Variants in BPGM observed in about 807,000 individuals in gnomAD.
The protein encoded by BPGM is 2,3-bisphosphoglycerate mutase, erythrocyte.
A neutral mutation model predicts 21.6 loss-of-function variants in BPGM; 15 were observed. The observed-to-expected ratio is 0.70, with a 90% CI of 0.47 to 1.07. The LOEUF (loss-of-function observed/expected upper bound fraction) is 1.07. BPGM is among the 50% of genes least tolerant of loss of function. BPGM has a pLI of 0.00. For synonymous variants in BPGM, 113 were observed against 116.2 expected, an observed-to-expected ratio of 0.97 and a Z score of 0.18; for missense variants, 273 against 319.0, an observed-to-expected ratio of 0.86 and a Z score of 1.10.
rs559749184 is a variant in BPGM at position 134,646,881 on chromosome 7, G to T, written c.-118G>T. The T allele has an allele frequency of 2.1e-5, 4 of 187,670 alleles. No homozygotes were observed. The South Asian group carries it at 2.2e-4, about 10-fold the overall frequency. The allele number at this position is 187,670 out of a possible 1,614,324, so 11.6% of individuals were successfully genotyped here. A position where few individuals can be genotyped will look rare whatever the true frequency, so the allele number is the denominator to read the frequency against. ...GAGTCCTAGGAGGCGCTGGCTCTTT[G>T]GCGGCTCGGAGGAGCGGCTGCTGCT... On this transcript the variant is annotated 5_prime_UTR_variant, in exon 1 of 3. Transcript: ENST00000344924.
At chr7:134,650,983 TG>T (rs1006258072) in intron 1 of BPGM, among the ~76,000 whole-genome samples, 13 of 152,228 alleles carry the variant, frequency 8.5e-5, no homozygotes, top group African/African-American at 2.9e-4. Flanking sequence ...CCTTGAGACC[TG>T]TTCCTTTTTA....
At position 134,661,573 on chromosome 7, in the gene BPGM, T is replaced by C. The variant is rs757823060; in HGVS notation, c.66T>C (p.Phe22=). ...GEGAWNKENR[F]CSWVDQKLNS... ...GTGCTTGGAATAAGGAGAACCGTTT[T>C]TGTAGCTGGGTGGATCAGAAACTCA... The change falls in exon 2 of 3, where the codon TTT becomes TTC. Residue 22 remains phenylalanine, a synonymous_variant. Transcript: ENST00000344924. The surrounding 1 kb of genome is among the most constrained non-coding windows in gnomAD (Gnocchi z 4.6). The C allele has an allele frequency of 1.5e-5, 24 of 1,614,200 alleles. No homozygotes were observed. In the South Asian group the frequency reaches 2.4e-4, roughly 16 times the overall value.
At chr7:134,658,865 C>G (rs1197954838) in intron 1 of BPGM, among the ~76,000 whole-genome samples, 1 of 114,058 alleles carries the variant, frequency 8.8e-6, no homozygotes, top group African/African-American at 3.6e-5. Flanking sequence ...CAGTACTGTT[C>G]CTCTGTTCTG....
chr7:134,650,934 A>T (rs1179696192), intron 1 of BPGM, among the ~76,000 whole-genome samples: 1 of 152,244 alleles, frequency 6.6e-6, no homozygotes, highest in Non-Finnish European at 1.5e-5. Flanking sequence ...CAAAAGAAAC[A>T]TTAAAAGCCT....
chr7:134,663,034 G>C (rs1289709480), intron 2 of BPGM, among the ~76,000 whole-genome samples: 1 of 152,152 alleles, frequency 6.6e-6, no homozygotes, highest in African/African-American at 2.4e-5. Context: ...GATATGCCCT[G>C]TCTGGTGTTT....
At chr7:134,672,787 C>T (rs1049480321) in intron 2 of BPGM, among the ~76,000 whole-genome samples, 4 of 152,034 alleles carry the variant, frequency 2.6e-5, no homozygotes, top group Non-Finnish European at 4.4e-5. Context: ...AGGAGCTCTG[C>T]CTGCTTAACT....
At chr7:134,665,649 G>GAAAAAAAAAAAAAAAAAAAAA (rs1164169964) in intron 2 of BPGM, among the ~76,000 whole-genome samples, 2 of 78,192 alleles carry the variant, frequency 2.6e-5, no homozygotes, top group Non-Finnish European at 6.2e-5. Context: ...AAAAATTAAT[G>GAAAAAAAAAAAAAAAAAAAAA]AAAAAAAAAA....
Position 134,667,561 on chromosome 7 carries a change from TGAA to T in BPGM, c.601+5456_601+5458del, listed in dbSNP as rs1327509427. ...TTTTAGAAAAATAAAAACGTAAAAA[TGAA>T]GACGTTAGCTTTCACTACTGTTAAG... is the stretch of plus-strand genomic sequence containing the variant. On this transcript the variant is annotated intron_variant, in intron 2 of 2. Transcript: ENST00000344924. Among the ~76,000 whole-genome samples the T allele has an allele frequency of 2.0e-5, 3 of 152,128 alleles. 1 individual carries two copies. In the South Asian group the frequency reaches 6.2e-4, roughly 32 times the overall value.
At chr7:134,650,766 A>G (rs1795543120) in intron 1 of BPGM, among the ~76,000 whole-genome samples, 1 of 152,146 alleles carries the variant, frequency 6.6e-6, no homozygotes. Context: ...ACTAAAGATA[A>G]CAAAAAAAAT....
At chr7:134,663,924 G>A (rs747148913) in intron 2 of BPGM, among the ~76,000 whole-genome samples, 1 of 152,100 alleles carries the variant, frequency 6.6e-6, no homozygotes, top group Non-Finnish European at 1.5e-5. Context: ...GAGGGAAATC[G>A]GAAAGTTTAA....
intron 2 of BPGM, among the ~76,000 whole-genome samples, chr7:134,677,383 G>A (rs1795998292): frequency 6.6e-6 from 1 of 152,176 alleles, no homozygotes; most frequent in African/African-American, 2.4e-5. Context: ...ACTTGGAAGA[G>A]ACTGTGTCTT....
At chr7:134,649,660 A>C (rs1249803177) in intron 1 of BPGM, among the ~76,000 whole-genome samples, 1 of 152,252 alleles carries the variant, frequency 6.6e-6, no homozygotes, top group African/African-American at 2.4e-5. Flanking sequence ...TGAGGAAAAC[A>C]TACTTTGTAA....
intron 1 of BPGM, among the ~76,000 whole-genome samples, chr7:134,658,892 A>ATTTTTTTTATTTTTATT (rs5741666): frequency 0.49 from 69,796 of 143,814 alleles, 16,924 homozygotes; most frequent in East Asian, 0.69. Context: ...GTGTGTGTGT[A>ATTTTTTTTATTTTTATT]TTTTTTTTTT....
At chr7:134,674,791 G>T (rs530107811) in intron 2 of BPGM, among the ~76,000 whole-genome samples, 2 of 152,292 alleles carry the variant, frequency 1.3e-5, no homozygotes, top group Admixed American at 6.5e-5. Context: ...TAGTGGAATT[G>T]CTGGGTCATA....
chr7:134,662,420 A>G (rs925371985), intron 2 of BPGM, among the ~76,000 whole-genome samples: 1 of 152,164 alleles, frequency 6.6e-6, no homozygotes, highest in East Asian at 1.9e-4. Context: ...GAGAATCTGC[A>G]TTTCTTAGAA....
chr7:134,671,587 G>T (rs936897224), intron 2 of BPGM, among the ~76,000 whole-genome samples: 1 of 152,008 alleles, frequency 6.6e-6, no homozygotes, highest in Non-Finnish European at 1.5e-5. Flanking sequence ...GGATGGCCTC[G>T]ATCTCCTGAC....
intron 1 of BPGM, among the ~76,000 whole-genome samples, chr7:134,653,491 GCTA>G (rs1432631814): frequency 6.6e-6 from 1 of 152,150 alleles, no homozygotes; most frequent in Non-Finnish European, 1.5e-5. Context: ...TAAAATGCAT[GCTA>G]CTAAACTTTT....
At chr7:134,670,056 G>A (rs758806325) in intron 2 of BPGM, among the ~76,000 whole-genome samples, 8 of 152,138 alleles carry the variant, frequency 5.3e-5, no homozygotes, top group African/African-American at 7.2e-5. Context: ...GCTGGCGCAC[G>A]TCCAAGGAAA....
At chr7:134,655,145 AAAAAC>A (rs775354733) in intron 1 of BPGM, among the ~76,000 whole-genome samples, 35 of 152,326 alleles carry the variant, frequency 2.3e-4, no homozygotes, top group South Asian at 1.2e-3. Flanking sequence ...AGCTTTTATG[AAAAAC>A]AAAACAAAAC....
Sources: allele counts gnomAD v4.1 joint callset (sites outside exome capture counted in the v4.1 genomes callset), GRCh38; gene constraint gnomAD v4.1.1; non-coding constraint Gnocchi (gnomAD v3.1); transcripts MANE v1.5; gene names NCBI Gene and HGNC (gene_info 2026-07-23, HGNC 2026-07-21).